The following SLC7A14 variants were observed in gnomAD, a reference collection of about 807,000 sequenced individuals.
SLC7A14 encodes the protein solute carrier family 7 member 14.
SLC7A14 carries 37 observed loss-of-function variants against 60.2 expected under a neutral mutation model. The observed-to-expected ratio is 0.61, with a 90% confidence interval of 0.47 to 0.81. The LOEUF (loss-of-function observed/expected upper bound fraction) is 0.81, where lower values mean the gene tolerates loss of function less well. Ranked by LOEUF, SLC7A14 falls within the 30% of genes least tolerant of loss-of-function variation. The pLI, the probability that SLC7A14 is intolerant of heterozygous loss-of-function variation, is 0.00. For missense variants in SLC7A14, 886 were observed against 982.7 expected (o/e 0.90, Z 1.32); for synonymous variants, 399 against 395.8 (o/e 1.01, Z -0.10).
chr3:170,524,459 A>T (rs1269887881), intron 2 of SLC7A14, among the ~76,000 whole-genome samples: 2 of 152,070 alleles, frequency 1.3e-5, no homozygotes, highest in East Asian at 3.9e-4. Context: ...GTGAAGAATA[A>T]GACACAGGTA....
intron 2 of SLC7A14, among the ~76,000 whole-genome samples, chr3:170,511,845 A>G (rs1000946292): frequency 2.0e-5 from 3 of 152,194 alleles, no homozygotes; most frequent in Non-Finnish European, 2.9e-5. Flanking sequence ...TAGGTTTGAA[A>G]TCTTTAATCT....
At position 170,581,934 on chromosome 3, in the gene SLC7A14, A is replaced by T. The variant is rs561418801; in HGVS notation, c.-153+3977T>A. Among the ~76,000 whole-genome samples, 9 of 152,312 alleles carry T rather than the reference A, an allele frequency of 5.9e-5. No homozygotes were observed. In the South Asian group the frequency reaches 1.0e-3, roughly 18 times the overall value. ...ATGATTACTAAGACAAGATAAACACACACACATGTTATTACATATACATGT... is the reference window on the plus strand; with the variant it reads ...ATGATTACTAAGACAAGATAAACACTCACACATGTTATTACATATACATGT... On this transcript the variant is annotated intron_variant, in intron 1 of 7. Transcript: ENST00000231706.
intron 2 of SLC7A14, among the ~76,000 whole-genome samples, chr3:170,512,144 C>G (rs1174382066): frequency 2.0e-5 from 3 of 152,204 alleles, no homozygotes; most frequent in Non-Finnish European, 2.9e-5. Flanking sequence ...GATGACAGAT[C>G]TCAGAAGATT....
intron 5 of SLC7A14, among the ~76,000 whole-genome samples, chr3:170,485,209 T>C (rs561983394): frequency 6.6e-6 from 1 of 152,272 alleles, no homozygotes; most frequent in Admixed American, 6.5e-5. Context: ...CCATAAAACC[T>C]CTGGGTAGGC....
intron 1 of SLC7A14, among the ~76,000 whole-genome samples, chr3:170,569,642 G>A (rs778485900): frequency 1.3e-4 from 20 of 152,070 alleles, no homozygotes; most frequent in Non-Finnish European, 2.4e-4. Context: ...TCTGGTCCTG[G>A]TCTCTTTTTG....
rs758665896 is a variant in SLC7A14 at position 170,526,651 on chromosome 3, C to T, written c.286G>A (p.Val96Ile). 2.7e-5 allele frequency: 43 copies of T among 1,613,930 alleles called. No individual in the cohort carries two copies. The highest frequency in any genetic ancestry group is 3.4e-5 in the Non-Finnish European group (40 of 1,180,006). ...GVIVSFIIAA[V>I]ASILSGVCYA... ...CACTTACCTGATAATATGGATGCGA[C>T]GGCTGCAATGATGAAGGACACAATG... is the stretch of plus-strand genomic sequence containing the variant. Residue 96 changes from valine to isoleucine, a missense_variant, in exon 2 of 8, where the codon GTC becomes ATC. By Grantham distance (29) the Val-to-Ile change is conservative (BLOSUM62 3). Transcript: ENST00000231706.
chr3:170,494,529 A>T (rs1712320906), intron 4 of SLC7A14, among the ~76,000 whole-genome samples: 1 of 152,238 alleles, frequency 6.6e-6, no homozygotes, highest in Non-Finnish European at 1.5e-5. Context: ...ACAAGGCTAA[A>T]GGCAACGCTA....
chr3:170,512,786 C>T (rs924933450), intron 2 of SLC7A14, among the ~76,000 whole-genome samples: 1 of 150,242 alleles, frequency 6.7e-6, no homozygotes, highest in African/African-American at 2.4e-5. Context: ...GCCTCAGCCT[C>T]CCAAGTAGCT....
rs1311901481 is a variant in SLC7A14, at chr3:170,460,389, C to T, written c.*6666G>A. On this transcript the variant is annotated 3_prime_UTR_variant, in exon 8 of 8. Transcript: ENST00000231706. ...CTGCTCTCTTAAAAACCTGCAGCCC[C>T]CTCTCTCAGCCCAGACAGTTGAGGT... 6.6e-6 allele frequency: 1 copy of T among 152,186 alleles called. No homozygotes were observed. The highest frequency in any genetic ancestry group is 6.5e-5 in the Admixed American group (1 of 15,282). 9.4% of individuals were successfully genotyped at this position (152,186 alleles called of 1,614,324 possible).
chr3:170,574,991 T>G (rs940643843), intron 1 of SLC7A14, among the ~76,000 whole-genome samples: 1 of 147,948 alleles, frequency 6.8e-6, no homozygotes. Context: ...GAATGAAGGG[T>G]GGAGGAAAAG....
chr3:170,497,157 A>T (rs1342659284), intron 4 of SLC7A14, among the ~76,000 whole-genome samples: 3 of 151,898 alleles, frequency 2.0e-5, no homozygotes, highest in African/African-American at 4.8e-5. Context: ...CCAGGAAAAC[A>T]TTCCTTCTTT....
intron 1 of SLC7A14, among the ~76,000 whole-genome samples, chr3:170,541,969 G>T (rs1714031069): frequency 6.6e-6 from 1 of 152,194 alleles, no homozygotes; most frequent in Admixed American, 6.5e-5. Context: ...CTCGGTTTTT[G>T]TAGTTATGCT....
At position 170,551,541 on chromosome 3, in the gene SLC7A14, C is replaced by T. The variant is rs115196564; in HGVS notation, c.-152-24453G>A. On this transcript the variant is annotated intron_variant, in intron 1 of 7. Coordinates refer to ENST00000231706, the MANE Select transcript of SLC7A14 (RefSeq NM_020949.3). ...CCAGCAATGGATGATTTCAGTTTCT[C>T]TACATCTTCCTCAATATGTGTTATT... Among the ~76,000 whole-genome samples, 295 of 152,298 alleles carry T rather than the reference C, an allele frequency of 1.9e-3. 3 individuals carry two copies. The highest frequency in any genetic ancestry group is 6.7e-3 in the African/African-American group (279 of 41,574).
chr3:170,501,369 A>G (rs1007898305), intron 2 of SLC7A14, 24 bp from the exon 3 acceptor site: 1 of 1,598,340 alleles, frequency 6.3e-7, no homozygotes, highest in Non-Finnish European at 8.6e-7. Context: ...ACATACACAG[A>G]TGGTGGACTT....
At chr3:170,506,086 A>G (rs1349768107) in intron 2 of SLC7A14, among the ~76,000 whole-genome samples, 1 of 152,232 alleles carries the variant, frequency 6.6e-6, no homozygotes, top group Non-Finnish European at 1.5e-5. Context: ...TGATATAGCT[A>G]GAGAGAATCA....
At chr3:170,558,504 G>T (rs1714548287) in intron 1 of SLC7A14, among the ~76,000 whole-genome samples, 1 of 152,192 alleles carries the variant, frequency 6.6e-6, no homozygotes, top group Non-Finnish European at 1.5e-5. Flanking sequence ...TAGGGTGGAA[G>T]GGGTTAACTA....
intron 2 of SLC7A14, among the ~76,000 whole-genome samples, chr3:170,518,539 T>C (rs1713240623): frequency 6.6e-6 from 1 of 152,182 alleles, no homozygotes. Flanking sequence ...GCCTCCATTC[T>C]CTTTCCACTG....
chr3:170,558,400 A>G (rs993850510), intron 1 of SLC7A14, among the ~76,000 whole-genome samples: 1 of 152,132 alleles, frequency 6.6e-6, no homozygotes, highest in African/African-American at 2.4e-5. Flanking sequence ...TAAAACAAAC[A>G]AACAAATAAA....
intron 1 of SLC7A14, among the ~76,000 whole-genome samples, chr3:170,555,921 A>G (rs1306747254): frequency 6.6e-6 from 1 of 152,152 alleles, no homozygotes; most frequent in African/African-American, 2.4e-5. Context: ...TTGCATGTAA[A>G]TCTGACAACA....
Sources: gnomAD v4.1 joint callset for allele counts (sites outside exome capture counted in the v4.1 genomes callset) on GRCh38, gnomAD v4.1.1 for gene constraint, MANE v1.5 for transcripts, NCBI Gene and HGNC (gene_info 2026-07-23, HGNC 2026-07-21) for gene names.